KCNMA1: variants seen among roughly 807,000 people sequenced by gnomAD.
KCNMA1 encodes Calcium-activated potassium channel subunit alpha-1.
Under a neutral mutation model 140.0 loss-of-function variants are expected in KCNMA1, and 29 were observed. The ratio of observed to expected loss-of-function variants is 0.21; its 90% CI spans 0.15 to 0.28. The LOEUF (loss-of-function observed/expected upper bound fraction) is 0.28. Among genes scored for constraint, KCNMA1 ranks in the 10% least tolerant of loss-of-function variants. The pLI is 1.00. For synonymous variants in KCNMA1, 612 were observed against 611.9 expected (o/e 1.00, Z 0.00); for missense variants, 880 against 1,602.2 (o/e 0.55, Z 7.70).
At chr10:77,596,551 A>G (rs943951614) in intron 1 of KCNMA1, among the ~76,000 whole-genome samples, 5 of 152,216 alleles carry the variant, frequency 3.3e-5, no homozygotes, top group African/African-American at 1.2e-4. Context: ...CTGGCAATCA[A>G]GCGCATACCC....
At chr10:77,111,024 T>C (rs1324221044) in intron 7 of KCNMA1, among the ~76,000 whole-genome samples, 8 of 152,164 alleles carry the variant, frequency 5.3e-5, no homozygotes, top group Admixed American at 4.6e-4. Context: ...GGCAAACTTT[T>C]TCAGTTTTGT....
intron 1 of KCNMA1, among the ~76,000 whole-genome samples, chr10:77,478,921 G>A (rs1002300306): frequency 3.9e-5 from 6 of 152,194 alleles, no homozygotes; most frequent in African/African-American, 1.4e-4. Flanking sequence ...ACTTGGAAAT[G>A]CTGATAACGT....
chr10:77,568,183 G>C (rs1225523422), intron 1 of KCNMA1, among the ~76,000 whole-genome samples: 3 of 152,138 alleles, frequency 2.0e-5, no homozygotes, highest in African/African-American at 4.8e-5. Flanking sequence ...CATTCCTTCT[G>C]AAACTATTCC....
At chr10:77,537,845 T>A (rs2059261112) in intron 1 of KCNMA1, among the ~76,000 whole-genome samples, 1 of 152,074 alleles carries the variant, frequency 6.6e-6, no homozygotes, top group Non-Finnish European at 1.5e-5. Context: ...CGGCGCACAT[T>A]CTTCCTGGCT....
chr10:77,275,690 G>A (rs1733802620), intron 2 of KCNMA1, among the ~76,000 whole-genome samples: 1 of 152,312 alleles, frequency 6.6e-6, no homozygotes, highest in South Asian at 2.1e-4. Context: ...CAAAACACAT[G>A]CACATCATCC....
At chr10:77,012,717 G>C (rs1178779502) in intron 17 of KCNMA1, among the ~76,000 whole-genome samples, 1 of 152,122 alleles carries the variant, frequency 6.6e-6, no homozygotes, top group South Asian at 2.1e-4. Flanking sequence ...TCTCACTATG[G>C]AGCAAAGCTC....
At chr10:77,380,368 G>C (rs867134824) in intron 2 of KCNMA1, among the ~76,000 whole-genome samples, 11 of 152,118 alleles carry the variant, frequency 7.2e-5, no homozygotes, top group Admixed American at 4.6e-4. Flanking sequence ...CTCTAATTTT[G>C]AGAAGCATTT....
chr10:76,977,356 A>C (rs955843279), intron 19 of KCNMA1, among the ~76,000 whole-genome samples: 1 of 152,184 alleles, frequency 6.6e-6, no homozygotes, highest in African/African-American at 2.4e-5. Context: ...AAATCTAAGA[A>C]TAATAATATT....
rs2054122523 is a variant in KCNMA1 at position 77,523,205 on chromosome 10, C to T, written c.378+114060G>A. Among the ~76,000 whole-genome samples, 3 of 145,830 alleles carry T rather than the reference C, an allele frequency of 2.1e-5. No individual in the cohort carries two copies. In the South Asian group the frequency reaches 7.0e-4, roughly 34 times the overall value. On this transcript the variant is annotated intron_variant, in intron 1 of 27. Transcript: ENST00000286628. ...ATGTCTTACTCAACCTTGGACGTGC[C>T]CCCCCCCCTTGCAATCACACCACAG...
At chr10:77,290,162 AT>A (rs2072679486) in intron 2 of KCNMA1, among the ~76,000 whole-genome samples, 1 of 152,216 alleles carries the variant, frequency 6.6e-6, no homozygotes, top group African/African-American at 2.4e-5. Context: ...ATTTTATTTT[AT>A]GATTACCTAA....
Position 77,587,824 on chromosome 10 carries a change from C to T in KCNMA1, c.378+49441G>A, listed in dbSNP as rs1416159697. On this transcript the variant is annotated intron_variant, in intron 1 of 27. Transcript: ENST00000286628. ...TGCAGGGCCCCAGGTGGAGTTATCT[C>T]ACCGACAGATCATCTCACGGCCCCA... The T allele has an allele frequency of 4.1e-6, 4 of 985,278 alleles. No individual in the cohort carries two copies. In the East Asian group the frequency reaches 3.4e-4, roughly 84 times the overall value. 61.0% of individuals were successfully genotyped at this position (985,278 alleles called of 1,614,324 possible).
At chr10:77,444,366 AAGG>A (rs986064612) in intron 1 of KCNMA1, among the ~76,000 whole-genome samples, 1 of 152,254 alleles carries the variant, frequency 6.6e-6, no homozygotes, top group African/African-American at 2.4e-5. Flanking sequence ...AGGATGAAGA[AAGG>A]AGGAGGAGAG....
intron 2 of KCNMA1, among the ~76,000 whole-genome samples, chr10:77,401,177 C>T (rs2096252617): frequency 6.7e-6 from 1 of 150,040 alleles, no homozygotes; most frequent in Non-Finnish European, 1.5e-5. Context: ...GAGACGGAGT[C>T]TTGCTCTGTC....
Position 77,104,868 on chromosome 10 carries a change from C to T in KCNMA1, c.1223+3613G>A, listed in dbSNP as rs118018123. On this transcript the variant is annotated intron_variant, in intron 9 of 27. Coordinates refer to ENST00000286628, the MANE Select transcript of KCNMA1 (RefSeq NM_001161352.2). Reference sequence around the variant, plus strand: ...CTGGGGATCCCAAAGGCCATGGGAGCGTCACCAGCCCTCAGGCCTTCCCTG... The same window carrying T: ...CTGGGGATCCCAAAGGCCATGGGAGTGTCACCAGCCCTCAGGCCTTCCCTG... 1.1e-3 allele frequency among the ~76,000 whole-genome samples: 168 copies of T among 152,296 alleles called. 1 individual carries two copies. The highest frequency in any genetic ancestry group is 7.1e-3 in the East Asian group (37 of 5,176).
chr10:76,914,613 A>C, intron 24 of KCNMA1: 1 of 357,672 alleles, frequency 2.8e-6, no homozygotes, highest in Non-Finnish European at 5.3e-6. Context: ...AATCACCAGA[A>C]AGAATCCGTG....
rs191147504 is a variant in KCNMA1 at position 77,308,579 on chromosome 10, A to G, written c.541-57323T>C. Among the ~76,000 whole-genome samples the G allele has an allele frequency of 5.3e-5, 8 of 152,318 alleles. 1 individual carries two copies. The East Asian group carries it at 1.5e-3, about 29-fold the overall frequency. ...CAGCAGCTGTTCCAGATAACAGCAA[A>G]GTCGACAATTCCAGCTGCCGCCTTG... On this transcript the variant is annotated intron_variant, in intron 2 of 27. Transcript: ENST00000286628.
At chr10:77,101,467 A>G (rs2253060) in intron 9 of KCNMA1, among the ~76,000 whole-genome samples, 143,141 of 152,286 alleles carry the variant, frequency 0.94, 67,384 homozygotes, top group African/African-American at 0.98. Flanking sequence ...TCATATCTTT[A>G]TAAAGATCGG....
intron 23 of KCNMA1, among the ~76,000 whole-genome samples, chr10:76,937,121 G>A (rs1263920698): frequency 6.6e-6 from 1 of 152,166 alleles, no homozygotes; most frequent in Admixed American, 6.5e-5. Flanking sequence ...AGACAGTCAG[G>A]GATAGGAGGC....
At chr10:77,427,719 TCATTTATTTATTTA>T (rs1566785456) in intron 1 of KCNMA1, among the ~76,000 whole-genome samples, 62 of 107,192 alleles carry the variant, frequency 5.8e-4, no homozygotes, top group African/African-American at 2.2e-3. Context: ...ATCCATCCAT[TCATTTATTTATTTA>T]TTTATTTATT....
Sources: gnomAD v4.1 joint callset for allele counts (sites outside exome capture counted in the v4.1 genomes callset) on GRCh38, gnomAD v4.1.1 for gene constraint, MANE v1.5 for transcripts, NCBI Gene and HGNC (gene_info 2026-07-23, HGNC 2026-07-21) for gene names.